Variants in GLG1 observed in about 807,000 individuals in gnomAD.
The protein encoded by GLG1 is Golgi apparatus protein 1.
A neutral mutation model predicts 160.5 loss-of-function variants in GLG1; 38 were observed. The ratio of observed to expected loss-of-function variants is 0.24; its 90% CI spans 0.18 to 0.31. GLG1 has a LOEUF of 0.31. Among genes scored for constraint, GLG1 ranks in the 10% least tolerant of loss-of-function variants. The pLI is 1.00. For synonymous variants in GLG1, 644 were observed against 543.4 expected, an observed-to-expected ratio of 1.19 and a Z score of -2.57; for missense variants, 1,373 against 1,505.2, an observed-to-expected ratio of 0.91 and a Z score of 1.45.
chr16:74,498,012 A>G (rs1215981367), intron 4 of GLG1, among the ~76,000 whole-genome samples: 2 of 152,210 alleles, frequency 1.3e-5, no homozygotes, highest in African/African-American at 4.8e-5. Context: ...ACAAACATTC[A>G]TTCATGCAAA....
At chr16:74,537,725 C>G (rs1362728159) in intron 1 of GLG1, among the ~76,000 whole-genome samples, 2 of 145,274 alleles carry the variant, frequency 1.4e-5, no homozygotes, top group Non-Finnish European at 3.0e-5. Context: ...TAAAAATGTA[C>G]TTACTGAATT....
intron 1 of GLG1, among the ~76,000 whole-genome samples, chr16:74,561,999 T>G (rs2018526290): frequency 6.6e-6 from 1 of 152,266 alleles, no homozygotes; most frequent in African/African-American, 2.4e-5. Context: ...GATGGGTCAT[T>G]GGAACACTTA....
chr16:74,563,354 A>G (rs2018560535), intron 1 of GLG1: 1 of 152,240 alleles, frequency 6.6e-6, no homozygotes, highest in Non-Finnish European at 1.5e-5. Flanking sequence ...TAGTGCTTGG[A>G]AGCCTTCATC....
intron 1 of GLG1, among the ~76,000 whole-genome samples, chr16:74,593,554 C>T (rs1351594638): frequency 6.6e-6 from 1 of 151,778 alleles, no homozygotes; most frequent in Non-Finnish European, 1.5e-5. Flanking sequence ...CCTGCCTCAG[C>T]CTCCTGAGTA....
At chr16:74,606,239 A>C (rs1316758420) in intron 1 of GLG1, among the ~76,000 whole-genome samples, 2 of 152,270 alleles carry the variant, frequency 1.3e-5, no homozygotes, top group Non-Finnish European at 2.9e-5. Context: ...CATTCTTTAC[A>C]GCCTAAGTAC....
chr16:74,538,831 G>A lies in GLG1; in HGVS notation c.439-6678C>T, dbSNP rs534289422. On this transcript the variant is annotated intron_variant, in intron 1 of 25. Coordinates refer to ENST00000422840, the MANE Select transcript of GLG1 (RefSeq NM_001145667.2). ...AGGCTGAATGTGGAGTTTTTAGGGGGAAAGGAGGACTTGATATTTTAAAGA... is the reference window on the plus strand; with the variant it reads ...AGGCTGAATGTGGAGTTTTTAGGGGAAAAGGAGGACTTGATATTTTAAAGA... Among the ~76,000 whole-genome samples, 260 of 150,232 alleles carry A rather than the reference G, an allele frequency of 1.7e-3. 2 individuals are homozygous for A. The highest frequency in any genetic ancestry group is 3.1e-3 in the Non-Finnish European group (208 of 67,676).
At chr16:74,543,668 C>T (rs1224085913) in intron 1 of GLG1, among the ~76,000 whole-genome samples, 2 of 152,138 alleles carry the variant, frequency 1.3e-5, no homozygotes, top group African/African-American at 2.4e-5. Context: ...TTGGGAAATA[C>T]TGATAAACTA....
intron 1 of GLG1, among the ~76,000 whole-genome samples, chr16:74,550,481 A>G (rs2018168189): frequency 6.6e-6 from 1 of 152,114 alleles, no homozygotes; most frequent in South Asian, 2.1e-4. Flanking sequence ...CAGTCATACC[A>G]TATGGTGTGG....
intron 2 of GLG1, among the ~76,000 whole-genome samples, chr16:74,528,448 A>G (rs1014282775): frequency 6.6e-6 from 1 of 151,934 alleles, no homozygotes; most frequent in Non-Finnish European, 1.5e-5. Context: ...CCTTCCCTCA[A>G]GAGAATGTCT....
chr16:74,541,065 T>A (rs1460748256), intron 1 of GLG1, among the ~76,000 whole-genome samples: 1 of 152,110 alleles, frequency 6.6e-6, no homozygotes, highest in Non-Finnish European at 1.5e-5. Context: ...GTGGCTCACG[T>A]CTGTAATCCC....
At position 74,459,924 on chromosome 16, in the gene GLG1, C is replaced by T. The variant is rs868858561; in HGVS notation, c.3037-135G>A. 1.6e-5 allele frequency: 8 copies of T among 506,722 alleles called. 1 individual carries two copies. In the South Asian group the frequency reaches 2.2e-4, roughly 14 times the overall value. The allele number at this position is 506,722 out of a possible 1,614,324, so 31.4% of individuals were successfully genotyped here. A position where few individuals can be genotyped will look rare whatever the true frequency, so the allele number is the denominator to read the frequency against. On this transcript the variant is annotated intron_variant, in intron 22 of 25. Transcript: ENST00000422840. ...AGGCTGCAGTGCAGTGGTGCGATCTCGGCTCACTGCAACCTCTGCCTCCTA... is the reference window on the plus strand; with the variant it reads ...AGGCTGCAGTGCAGTGGTGCGATCTTGGCTCACTGCAACCTCTGCCTCCTA...
In GLG1 at chr16:74,450,179, C is replaced by T; in HGVS notation, c.*2988G>A. 6.6e-6 allele frequency: 1 copy of T among 152,284 alleles called. No individual in the cohort carries two copies. The highest frequency in any genetic ancestry group is 1.9e-4 in the East Asian group (1 of 5,198). 9.4% of individuals were successfully genotyped at this position (152,284 alleles called of 1,614,324 possible). A position where few individuals can be genotyped will look rare whatever the true frequency, so the allele number is the denominator to read the frequency against. ...CTTAGCCTTGGCAAAACCCCCTACC[C>T]TCTACTTCTATTACTGTTGGTGGGC... On this transcript the variant is annotated 3_prime_UTR_variant, in exon 26 of 26. Coordinates refer to ENST00000422840, the MANE Select transcript of GLG1 (RefSeq NM_001145667.2).
At chr16:74,592,844 T>C (rs1958215719) in intron 1 of GLG1, among the ~76,000 whole-genome samples, 1 of 152,166 alleles carries the variant, frequency 6.6e-6, no homozygotes, top group Non-Finnish European at 1.5e-5. Context: ...CGTTTGAATA[T>C]GTCCCCCAAA....
chr16:74,509,553 C>T (rs2016733283), intron 2 of GLG1, among the ~76,000 whole-genome samples: 1 of 151,696 alleles, frequency 6.6e-6, no homozygotes, highest in African/African-American at 2.4e-5. Context: ...TTCATTCATT[C>T]ATTTAAAAAA....
At chr16:74,501,301 C>T (rs950080496) in intron 4 of GLG1, among the ~76,000 whole-genome samples, 1 of 152,072 alleles carries the variant, frequency 6.6e-6, no homozygotes, top group Non-Finnish European at 1.5e-5. Flanking sequence ...CTCACCGTCC[C>T]CAAAATACAA....
At chr16:74,454,689 A>C (rs1477208050) in intron 25 of GLG1, among the ~76,000 whole-genome samples, 1 of 144,612 alleles carries the variant, frequency 6.9e-6, no homozygotes, top group Non-Finnish European at 1.5e-5. Flanking sequence ...AAAAAAAAAA[A>C]AAAAAAAAAA....
intron 8 of GLG1, among the ~76,000 whole-genome samples, chr16:74,490,065 C>A (rs1319670179): frequency 6.6e-6 from 1 of 152,158 alleles, no homozygotes; most frequent in Non-Finnish European, 1.5e-5. Context: ...TTCTACTATT[C>A]TAGGATATAA....
intron 1 of GLG1, among the ~76,000 whole-genome samples, chr16:74,545,306 T>C (rs2143672905): frequency 6.6e-6 from 1 of 152,120 alleles, no homozygotes; most frequent in Admixed American, 6.5e-5. Flanking sequence ...TCAGCCTCCC[T>C]AGTAGTTGGG....
intron 2 of GLG1, among the ~76,000 whole-genome samples, chr16:74,516,344 T>G (rs1024437813): frequency 5.9e-5 from 9 of 151,676 alleles, no homozygotes; most frequent in Non-Finnish European, 1.2e-4. Flanking sequence ...ACAGAAATTG[T>G]AACAAACTGT....
Sources: allele counts gnomAD v4.1 joint callset (sites outside exome capture counted in the v4.1 genomes callset), GRCh38; gene constraint gnomAD v4.1.1; transcripts MANE v1.5; gene names NCBI Gene and HGNC (gene_info 2026-07-23, HGNC 2026-07-21).